Variants in NKAIN2 observed in about 807,000 individuals in gnomAD.
NKAIN2 encodes the protein sodium/potassium transporting ATPase interacting 2.
A neutral mutation model predicts 32.6 loss-of-function variants in NKAIN2; 14 were observed. That is an observed-to-expected ratio of 0.43 (90% CI 0.28 to 0.67). NKAIN2 has a LOEUF of 0.67. NKAIN2 is among the 30% of genes least tolerant of loss of function. The probability of loss-of-function intolerance (pLI) is 0.17; values close to 1 mark genes in which losing one functional copy is unlikely to be tolerated. For missense variants in NKAIN2, 198 were observed against 258.3 expected (o/e 0.77, Z 1.60); for synonymous variants, 80 against 87.2 (o/e 0.92, Z 0.46).
intron 3 of NKAIN2, among the ~76,000 whole-genome samples, chr6:124,547,220 T>C (rs1342026118): frequency 6.6e-6 from 1 of 152,216 alleles, no homozygotes; most frequent in Non-Finnish European, 1.5e-5. Flanking sequence ...TAGAGAAAAT[T>C]AAATGTCTAA....
At chr6:124,802,068 AT>A (rs1314982625) in intron 5 of NKAIN2, among the ~76,000 whole-genome samples, 1 of 152,192 alleles carries the variant, frequency 6.6e-6, no homozygotes, top group African/African-American at 2.4e-5. Context: ...AAGATGATTA[AT>A]TTAGGCTCAG....
intron 1 of NKAIN2, among the ~76,000 whole-genome samples, chr6:124,036,415 A>G (rs1781606414): frequency 6.6e-6 from 1 of 152,016 alleles, no homozygotes; most frequent in African/African-American, 2.4e-5. Flanking sequence ...TGCCATTTCC[A>G]TTGTAATTTC....
At chr6:124,402,813 T>C (rs1773684154) in intron 3 of NKAIN2, among the ~76,000 whole-genome samples, 1 of 152,132 alleles carries the variant, frequency 6.6e-6, no homozygotes, top group South Asian at 2.1e-4. Flanking sequence ...GGGTGGTGGA[T>C]ACAAGGAAGG....
chr6:124,408,239 G>T (rs1773963815), intron 3 of NKAIN2, among the ~76,000 whole-genome samples: 1 of 152,092 alleles, frequency 6.6e-6, no homozygotes, highest in African/African-American at 2.4e-5. Context: ...TGTTGCCATT[G>T]CTTTTGGTGT....
intron 4 of NKAIN2, among the ~76,000 whole-genome samples, chr6:124,687,741 TATACACACACACAC>T (rs1455267910): frequency 3.7e-4 from 11 of 30,000 alleles, no homozygotes; most frequent in Admixed American, 7.2e-4. Flanking sequence ...ATATATGATA[TATACACACACACAC>T]ACACACACAC....
chr6:124,190,967 T>A (rs1426798607), intron 1 of NKAIN2, among the ~76,000 whole-genome samples: 1 of 152,176 alleles, frequency 6.6e-6, no homozygotes, highest in Non-Finnish European at 1.5e-5. Context: ...ACCATCAATA[T>A]TCTACAACAG....
intron 1 of NKAIN2, chr6:124,282,366 G>A: frequency 2.1e-5 from 6 of 280,762 alleles, no homozygotes; most frequent in South Asian, 1.9e-4. Context: ...AGCCAGGTAT[G>A]ACAAAACATC....
intron 2 of NKAIN2, among the ~76,000 whole-genome samples, chr6:124,296,002 T>C (rs947992530): frequency 1.3e-5 from 2 of 152,148 alleles, no homozygotes; most frequent in African/African-American, 4.8e-5. Context: ...ATAACATCAC[T>C]GTTTATGTAT....
chr6:123,821,579 T>C (rs1023538543), intron 1 of NKAIN2, among the ~76,000 whole-genome samples: 1 of 152,176 alleles, frequency 6.6e-6, no homozygotes, highest in Non-Finnish European at 1.5e-5. Flanking sequence ...CACTCAGTAT[T>C]AGCAGTCTTT....
chr6:124,368,928 T>C (rs1220716141), intron 3 of NKAIN2, among the ~76,000 whole-genome samples: 1 of 152,194 alleles, frequency 6.6e-6, no homozygotes, highest in African/African-American at 2.4e-5. Flanking sequence ...ATGTGGTCTT[T>C]GAGAGGCTCT....
intron 2 of NKAIN2, among the ~76,000 whole-genome samples, chr6:124,298,148 G>A (rs9491108): frequency 0.14 from 20,639 of 151,880 alleles, 1,584 homozygotes; most frequent in East Asian, 0.25. Context: ...TCATCTAGGA[G>A]TCAAAATATT....
At chr6:124,562,400 G>T (rs1213506710) in intron 3 of NKAIN2, among the ~76,000 whole-genome samples, 1 of 152,070 alleles carries the variant, frequency 6.6e-6, no homozygotes, top group Non-Finnish European at 1.5e-5. Flanking sequence ...TTTTCCTGTG[G>T]TTTAGTTTAT....
intron 3 of NKAIN2, among the ~76,000 whole-genome samples, chr6:124,573,284 C>T (rs750362974): frequency 5.9e-5 from 9 of 152,160 alleles, no homozygotes; most frequent in South Asian, 2.1e-4. Context: ...CAGCAGCATA[C>T]GCCTTTCCTT....
chr6:124,655,683 T>C (rs1292097772), intron 3 of NKAIN2, among the ~76,000 whole-genome samples: 1 of 152,170 alleles, frequency 6.6e-6, no homozygotes, highest in African/African-American at 2.4e-5. Context: ...ATGTTTTCAC[T>C]GTCACTGCTT....
intron 3 of NKAIN2, among the ~76,000 whole-genome samples, chr6:124,462,200 A>G (rs1304158425): frequency 6.6e-6 from 1 of 151,900 alleles, no homozygotes; most frequent in Non-Finnish European, 1.5e-5. Context: ...GAATTGTTAA[A>G]GGGAAGAGAA....
intron 3 of NKAIN2, among the ~76,000 whole-genome samples, chr6:124,606,049 C>A (rs1015427455): frequency 2.6e-5 from 4 of 152,042 alleles, no homozygotes. Flanking sequence ...TTAGGAAAGA[C>A]TTTAAAAGTA....
At chr6:124,694,644 G>A (rs1050701603) in intron 4 of NKAIN2, among the ~76,000 whole-genome samples, 4 of 152,160 alleles carry the variant, frequency 2.6e-5, no homozygotes, top group Admixed American at 1.3e-4. Context: ...TTGAATAAGC[G>A]CATCATGACA....
At chr6:124,001,479 G>C (rs898529062) in intron 1 of NKAIN2, among the ~76,000 whole-genome samples, 4 of 151,764 alleles carry the variant, frequency 2.6e-5, no homozygotes, top group Non-Finnish European at 1.5e-5. Context: ...GTTTAAAATT[G>C]ATATCTGTCT....
intron 3 of NKAIN2, among the ~76,000 whole-genome samples, chr6:124,524,365 T>C (rs1401552069): frequency 6.6e-6 from 1 of 152,210 alleles, no homozygotes; most frequent in Non-Finnish European, 1.5e-5. Flanking sequence ...CTAAATATGC[T>C]GAATATATAG....
Sources: gnomAD v4.1 joint callset for allele counts (sites outside exome capture counted in the v4.1 genomes callset) on GRCh38, gnomAD v4.1.1 for gene constraint, MANE v1.5 for transcripts, NCBI Gene and HGNC (gene_info 2026-07-23, HGNC 2026-07-21) for gene names.